Variants in APIP observed in about 807,000 individuals in gnomAD.
APIP encodes APAF1 interacting protein.
In APIP, 32 loss-of-function variants were observed where a neutral mutation model predicts 32.0. That is an observed-to-expected ratio of 1.00 (90% CI 0.76 to 1.34). APIP has a LOEUF of 1.34. Ranked by LOEUF, APIP falls within the 40% of genes most tolerant of loss-of-function variation. APIP has a pLI of 0.00. For missense variants in APIP, 247 were observed against 298.6 expected, an observed-to-expected ratio of 0.83 and a Z score of 1.27; for synonymous variants, 92 against 94.8, an observed-to-expected ratio of 0.97 and a Z score of 0.17.
At chr11:34,885,916 G>T (rs1853062036) in intron 5 of APIP, among the ~76,000 whole-genome samples, 1 of 152,174 alleles carries the variant, frequency 6.6e-6, no homozygotes, top group Non-Finnish European at 1.5e-5. Flanking sequence ...AATGTCTGTG[G>T]TGATGCTGGT....
chr11:34,895,311 G>A (rs933107426), intron 1 of APIP, among the ~76,000 whole-genome samples: 5 of 152,136 alleles, frequency 3.3e-5, no homozygotes, highest in African/African-American at 1.2e-4. Flanking sequence ...TTGGCAACCT[G>A]GGAGTATTCG....
chr11:34,892,056 G>C (rs1853194298), intron 2 of APIP, among the ~76,000 whole-genome samples: 1 of 152,110 alleles, frequency 6.6e-6, no homozygotes, highest in African/African-American at 2.4e-5. Context: ...AGGGTACTCT[G>C]TTTATTCAAG....
intron 1 of APIP, among the ~76,000 whole-genome samples, chr11:34,895,682 A>G (rs887972512): frequency 3.9e-5 from 6 of 152,224 alleles, no homozygotes; most frequent in African/African-American, 1.4e-4. Flanking sequence ...AACACTAAGA[A>G]ACAACCTCAA....
intron 1 of APIP, chr11:34,896,962 T>A: frequency 2.4e-6 from 1 of 413,722 alleles, no homozygotes; most frequent in Non-Finnish European, 4.4e-6. Context: ...AAGGTAACAG[T>A]GAACAAAATG....
chr11:34,887,647 G>A (rs1434104654), intron 5 of APIP, among the ~76,000 whole-genome samples: 2 of 152,112 alleles, frequency 1.3e-5, no homozygotes, highest in Admixed American at 6.6e-5. Context: ...GAAGGTTCAG[G>A]AATGAGAATG....
chr11:34,894,484 A>AAC (rs1483878050), intron 2 of APIP, among the ~76,000 whole-genome samples: 1 of 151,154 alleles, frequency 6.6e-6, no homozygotes, highest in Non-Finnish European at 1.5e-5. Flanking sequence ...AAAAAAAAAA[A>AAC]AAACCCCAGA....
At chr11:34,883,256 T>G (rs1852998587) in intron 6 of APIP, 81 bp downstream of exon 6, 2 of 1,389,588 alleles carry the variant, frequency 1.4e-6, no homozygotes, top group Admixed American at 2.4e-5. Context: ...CAATTTAAAT[T>G]TAAACCAACT....
rs1410341951 is a variant in APIP at position 34,908,349 on chromosome 11, A to G, written c.57+7879T>C. ...TTGTTTGTTTCAAAGTCTTTCACTT[A>G]TTTTCCTGACACTGGGCTCAGGAAG... On this transcript the variant is annotated intron_variant, in intron 1 of 6. Coordinates refer to ENST00000395787, the MANE Select transcript of APIP (RefSeq NM_015957.4). 2.6e-5 allele frequency among the ~76,000 whole-genome samples: 4 copies of G among 152,186 alleles called. No homozygotes were observed. The East Asian group carries it at 7.7e-4, about 29-fold the overall frequency.
At chr11:34,901,326 C>A (rs1324367706) in intron 1 of APIP, among the ~76,000 whole-genome samples, 1 of 152,326 alleles carries the variant, frequency 6.6e-6, no homozygotes, top group African/African-American at 2.4e-5. Context: ...GGAGACAGAT[C>A]TGCCCCCAGA....
chr11:34,916,086 G>T (rs1373551559), intron 1 of APIP, 142 bp downstream of exon 1: 4 of 1,108,176 alleles, frequency 3.6e-6, no homozygotes, highest in Non-Finnish European at 3.7e-6. Flanking sequence ...GTCGCGGTGC[G>T]CCGGGGTAGC....
At chr11:34,886,315 A>T (rs1342699744) in intron 5 of APIP, among the ~76,000 whole-genome samples, 2 of 152,112 alleles carry the variant, frequency 1.3e-5, no homozygotes, top group Non-Finnish European at 2.9e-5. Context: ...TTAACAAAAA[A>T]AATTTAAAAA....
intron 1 of APIP, among the ~76,000 whole-genome samples, chr11:34,909,476 C>G (rs1257233263): frequency 6.6e-6 from 1 of 152,104 alleles, no homozygotes; most frequent in Non-Finnish European, 1.5e-5. Context: ...CCTCTCTGAG[C>G]AGGTGGCATT....
At chr11:34,885,012 A>G (rs998856477) in intron 5 of APIP, among the ~76,000 whole-genome samples, 8 of 151,338 alleles carry the variant, frequency 5.3e-5, no homozygotes, top group African/African-American at 1.9e-4. Context: ...ACTGTACCAT[A>G]GAGACATTGC....
chr11:34,883,319 TC>T lies in APIP; in HGVS notation c.629+17del. On this transcript the variant is annotated intron_variant, in intron 6 of 6. Coordinates refer to ENST00000395787, the MANE Select transcript of APIP (RefSeq NM_015957.4). ...GCGGGTGGTAACTTGTTCCCCATGT[TC>T]TCTGATTTACACTCACATGGTTTTG... 6.3e-7 allele frequency: 1 copy of T among 1,582,040 alleles called. No homozygotes were observed. Among genetic ancestry groups the T allele is most frequent in the Non-Finnish European group, 8.6e-7 (1 of 1,163,900 alleles).
intron 1 of APIP, among the ~76,000 whole-genome samples, chr11:34,914,476 T>C (rs1420093503): frequency 6.6e-6 from 1 of 152,218 alleles, no homozygotes; most frequent in Non-Finnish European, 1.5e-5. Context: ...TTCTTATTGC[T>C]GTTTTTATGT....
rs1853669629 is a variant in APIP at position 34,915,925 on chromosome 11, C to T, written c.57+303G>A. ...ACGATTCCTTCTCTGGCCTGCCTTCCTGATAAATACCCGGTGAGGTCACCT... is the reference window on the plus strand; with the variant it reads ...ACGATTCCTTCTCTGGCCTGCCTTCTTGATAAATACCCGGTGAGGTCACCT... On this transcript the variant is annotated intron_variant, in intron 1 of 6. Transcript: ENST00000395787. 6 of 490,940 alleles carry T rather than the reference C, an allele frequency of 1.2e-5. No homozygotes were observed. In the East Asian group the frequency reaches 2.2e-4, roughly 18 times the overall value. The allele number at this position is 490,940 out of a possible 1,614,324, so 30.4% of individuals were successfully genotyped here.
chr11:34,907,825 A>G (rs2133921703), intron 1 of APIP, among the ~76,000 whole-genome samples: 1 of 152,354 alleles, frequency 6.6e-6, no homozygotes, highest in Admixed American at 6.5e-5. Context: ...GTATATATCA[A>G]AATCATTAAT....
At chr11:34,883,306 T>C in intron 6 of APIP, 31 bp downstream of exon 6, 6 of 1,560,754 alleles carry the variant, frequency 3.8e-6, no homozygotes, top group Non-Finnish European at 5.2e-6. Context: ...GGGTGGTAAC[T>C]TGTTCCCCAT....
intron 1 of APIP, among the ~76,000 whole-genome samples, chr11:34,909,210 TGGATGATATCGTTCCCTG>T (rs1383604900): frequency 6.6e-6 from 1 of 152,002 alleles, no homozygotes; most frequent in Admixed American, 6.6e-5. Flanking sequence ...AGTAGCTGAG[TGGATGATATCGTTCCCTG>T]GGATGTGGGT....
Sources: gnomAD v4.1 joint callset for allele counts (sites outside exome capture counted in the v4.1 genomes callset) on GRCh38, gnomAD v4.1.1 for gene constraint, MANE v1.5 for transcripts, NCBI Gene and HGNC (gene_info 2026-07-23, HGNC 2026-07-21) for gene names.